YY1: variants seen among roughly 807,000 people sequenced by gnomAD.
YY1 encodes the protein transcriptional repressor protein YY1.
Under a neutral mutation model 35.6 loss-of-function variants are expected in YY1, and 2 were observed. The ratio of observed to expected loss-of-function variants is 0.06; its 90% confidence interval spans 0.02 to 0.18. The LOEUF (loss-of-function observed/expected upper bound fraction) is 0.18. Ranked by LOEUF, YY1 falls within the 10% of genes least tolerant of loss-of-function variation. The pLI, the probability that YY1 is intolerant of heterozygous loss-of-function variation, is 1.00. For missense variants in YY1, 322 were observed against 573.4 expected (o/e 0.56, Z 4.48); for synonymous variants, 268 against 238.9 (o/e 1.12, Z -1.12).
At chr14:100,257,211 C>T (rs953170401) in intron 1 of YY1, among the ~76,000 whole-genome samples, 1 of 152,156 alleles carries the variant, frequency 6.6e-6, no homozygotes, top group Non-Finnish European at 1.5e-5. Context: ...TTCTGAGCCC[C>T]ACTCAAGAAG....
chr14:100,239,769 C>T lies in YY1; in HGVS notation c.525C>T (p.Gly175=), dbSNP rs768898566. Residue 175 remains glycine, a synonymous_variant, in exon 1 of 5, where the codon GGC becomes GGT. Transcript: ENST00000262238. ...SSSGGGRVKK[G]GGKKSGKKSY... ...CGGGAGGCGGCCGCGTCAAGAAGGG[C>T]GGCGGCAAGAAGAGCGGCAAGAAGA... 13 of 1,571,916 alleles carry T rather than the reference C, an allele frequency of 8.3e-6. No individual in the cohort carries two copies. Among genetic ancestry groups the T allele is most frequent in the Admixed American group, 5.2e-5 (3 of 57,174 alleles).
rs1891365928 is a variant in YY1, at chr14:100,278,792, G to C, written c.*1192G>C. The C allele has an allele frequency of 6.6e-6, 1 of 152,258 alleles. No homozygotes were observed. The highest frequency in any genetic ancestry group is 1.5e-5 in the Non-Finnish European group (1 of 68,044). 9.4% of individuals were successfully genotyped at this position (152,258 alleles called of 1,614,324 possible). A position where few individuals can be genotyped will look rare whatever the true frequency, so the allele number is the denominator to read the frequency against. ...AGTGAAGCATCTGTACCACCGCGCA[G>C]GCTGAGCGCCTGCGCAGGGTAAGGT... On this transcript the variant is annotated 3_prime_UTR_variant, in exon 5 of 5. Coordinates refer to ENST00000262238, the MANE Select transcript of YY1 (RefSeq NM_003403.5).
At chr14:100,250,011 G>T (rs1425355443) in intron 1 of YY1, among the ~76,000 whole-genome samples, 1 of 152,118 alleles carries the variant, frequency 6.6e-6, no homozygotes, top group Non-Finnish European at 1.5e-5. Context: ...GACCTCAGGT[G>T]ATCTGTCCGC....
intron 2 of YY1, among the ~76,000 whole-genome samples, chr14:100,263,621 T>C (rs1891114181): frequency 6.6e-6 from 1 of 152,200 alleles, no homozygotes; most frequent in Non-Finnish European, 1.5e-5. Context: ...ATACCTGAGG[T>C]TGGTTGGAAC....
intron 1 of YY1, among the ~76,000 whole-genome samples, chr14:100,259,300 C>G (rs1891047212): frequency 6.6e-6 from 1 of 152,182 alleles, no homozygotes; most frequent in Non-Finnish European, 1.5e-5. Flanking sequence ...GCGGGTGGAT[C>G]ACGAGGTCAA....
At chr14:100,249,380 A>G (rs1890888031) in intron 1 of YY1, among the ~76,000 whole-genome samples, 1 of 151,940 alleles carries the variant, frequency 6.6e-6, no homozygotes, top group South Asian at 2.1e-4. Flanking sequence ...CTCAGCCTCC[A>G]AAGTTCTGGG....
At chr14:100,262,170 A>G in intron 1 of YY1, 134 bp from the exon 2 acceptor site, 1 of 958,408 alleles carries the variant, frequency 1.0e-6, no homozygotes. Context: ...TCCAAAAAAA[A>G]AAAAGGGAGA....
intron 1 of YY1, among the ~76,000 whole-genome samples, chr14:100,245,172 G>A (rs553948108): frequency 6.6e-6 from 1 of 151,904 alleles, no homozygotes; most frequent in South Asian, 2.1e-4. Context: ...TCCTGACCTC[G>A]TGATCCGCCT....
At chr14:100,269,286 C>A (rs906011022) in intron 2 of YY1, among the ~76,000 whole-genome samples, 6 of 152,190 alleles carry the variant, frequency 3.9e-5, no homozygotes, top group African/African-American at 1.4e-4. Context: ...TAACATACAG[C>A]TCTTAAGTAG....
intron 3 of YY1, 123 bp downstream of exon 3, chr14:100,274,881 G>T: frequency 9.9e-7 from 1 of 1,006,388 alleles, no homozygotes; most frequent in Non-Finnish European, 1.5e-6. Flanking sequence ...TAGAATCTTC[G>T]GTTTCTAAAT....
At chr14:100,267,304 G>A (rs1400712621) in intron 2 of YY1, among the ~76,000 whole-genome samples, 2 of 152,178 alleles carry the variant, frequency 1.3e-5, no homozygotes, top group South Asian at 2.1e-4. Flanking sequence ...AGAGCATTAA[G>A]TGTGATCCTA....
At chr14:100,272,437 G>A (rs1418864697) in intron 2 of YY1, among the ~76,000 whole-genome samples, 1 of 152,120 alleles carries the variant, frequency 6.6e-6, no homozygotes, top group Non-Finnish European at 1.5e-5. Flanking sequence ...TCCTAGGGCT[G>A]GAAAGTTTAA....
chr14:100,275,481 C>T (rs1407888086), intron 3 of YY1, among the ~76,000 whole-genome samples: 2 of 152,110 alleles, frequency 1.3e-5, no homozygotes, highest in Admixed American at 6.5e-5. Flanking sequence ...AAACGTATCT[C>T]CATTAGGGCC....
At chr14:100,271,721 C>T (rs529501819) in intron 2 of YY1, among the ~76,000 whole-genome samples, 3 of 151,936 alleles carry the variant, frequency 2.0e-5, no homozygotes, top group African/African-American at 7.2e-5. Flanking sequence ...GAAGTTGGAT[C>T]GCAGCCTCAA....
chr14:100,239,403 C>T lies in YY1; in HGVS notation c.159C>T (p.Asp53=). ...EEEEEDDDDE[D]GGGGDHGGGG... ...AGGAGGAGGACGACGACGACGAGGA[C>T]GGCGGCGGTGGCGACCACGGCGGCG... The change falls in exon 1 of 5, where the codon GAC becomes GAT. Residue 53 remains aspartate, a synonymous_variant. Coordinates refer to ENST00000262238, the MANE Select transcript of YY1 (RefSeq NM_003403.5). 6.3e-7 allele frequency: 1 copy of T among 1,596,776 alleles called. No individual in the cohort carries two copies. Among genetic ancestry groups the T allele is most frequent in the Non-Finnish European group, 8.5e-7 (1 of 1,172,858 alleles).
chr14:100,278,805 C>T lies in YY1; in HGVS notation c.*1205C>T, dbSNP rs1197026932. On this transcript the variant is annotated 3_prime_UTR_variant, in exon 5 of 5. Coordinates refer to ENST00000262238, the MANE Select transcript of YY1 (RefSeq NM_003403.5). ...TACCACCGCGCAGGCTGAGCGCCTG[C>T]GCAGGGTAAGGTGCCACCTGGCAGT... is the stretch of plus-strand genomic sequence containing the variant. 1.3e-5 allele frequency: 2 copies of T among 152,234 alleles called. No homozygotes were observed. The highest frequency in any genetic ancestry group is 2.1e-4 in the South Asian group (1 of 4,834). 9.4% of individuals were successfully genotyped at this position (152,234 alleles called of 1,614,324 possible). A position where few individuals can be genotyped will look rare whatever the true frequency, so the allele number is the denominator to read the frequency against.
chr14:100,275,247 G>A (rs1891301832), intron 3 of YY1, among the ~76,000 whole-genome samples: 1 of 152,154 alleles, frequency 6.6e-6, no homozygotes, highest in Non-Finnish European at 1.5e-5. Context: ...GATATTTGTT[G>A]GGGGCTATTT....
intron 1 of YY1, among the ~76,000 whole-genome samples, chr14:100,249,706 T>TA (rs1440860741): frequency 2.0e-4 from 30 of 151,798 alleles, no homozygotes; most frequent in Non-Finnish European, 1.3e-4. Context: ...CATGGGCTTT[T>TA]AGAGTCAATT....
At position 100,276,567 on chromosome 14, in the gene YY1, T is replaced by C. The variant is rs774327516; in HGVS notation, c.981T>C (p.Cys327=). Reference sequence around the variant, plus strand: ...CCCACGGTCCCAGAGTCCACGTCTGTGCAGAATGTGGCAAAGCTTTTGTTG... The same window carrying C: ...CCCACGGTCCCAGAGTCCACGTCTGCGCAGAATGTGGCAAAGCTTTTGTTG... ...LHTHGPRVHV[C]AECGKAFVES... is the part of the protein sequence containing the mutation. Residue 327 remains cysteine (C), a synonymous_variant, in exon 4 of 5, where the codon TGT becomes TGC. Coordinates refer to ENST00000262238, the MANE Select transcript of YY1 (RefSeq NM_003403.5). The surrounding 1 kb of genome is among the most constrained non-coding windows in gnomAD (Gnocchi z 4.1). 2 of 1,614,228 alleles carry C rather than the reference T, an allele frequency of 1.2e-6. No individual in the cohort carries two copies. The highest frequency in any genetic ancestry group is 1.7e-6 in the Non-Finnish European group (2 of 1,180,040).
Sources: allele counts gnomAD v4.1 joint callset (sites outside exome capture counted in the v4.1 genomes callset), GRCh38; gene constraint gnomAD v4.1.1; non-coding constraint Gnocchi (gnomAD v3.1); transcripts MANE v1.5; gene names NCBI Gene and HGNC (gene_info 2026-07-23, HGNC 2026-07-21).